Variants in ZNF618 observed in about 807,000 individuals in gnomAD.
ZNF618 encodes the protein neural precursor cell expressed, developmentally down-regulated 10.
A neutral mutation model predicts 103.0 loss-of-function variants in ZNF618; 34 were observed. The ratio of observed to expected loss-of-function variants is 0.33; its 90% CI spans 0.25 to 0.44. The LOEUF is 0.44. ZNF618 is among the 20% of genes least tolerant of loss of function. The probability of loss-of-function intolerance (pLI) is 1.00; values close to 1 mark genes in which losing one functional copy is unlikely to be tolerated. For synonymous variants in ZNF618, 551 were observed against 542.2 expected (o/e 1.02, Z -0.23); for missense variants, 1,059 against 1,295.4 (o/e 0.82, Z 2.80).
At chr9:113,964,388 C>T (rs189023540) in intron 1 of ZNF618, among the ~76,000 whole-genome samples, 2 of 152,246 alleles carry the variant, frequency 1.3e-5, no homozygotes, top group Non-Finnish European at 2.9e-5. Context: ...TTCTTTCCGC[C>T]GCTGAACAGC....
At chr9:114,015,903 A>G (rs1842604357) in intron 9 of ZNF618, among the ~76,000 whole-genome samples, 1 of 152,184 alleles carries the variant, frequency 6.6e-6, no homozygotes, top group Admixed American at 6.5e-5. Context: ...ATTGATCAGG[A>G]CTGGCTAATT....
At chr9:113,979,637 G>A (rs1372467223) in intron 2 of ZNF618, among the ~76,000 whole-genome samples, 1 of 152,204 alleles carries the variant, frequency 6.6e-6, no homozygotes, top group Non-Finnish European at 1.5e-5. Flanking sequence ...GAGGCTACAG[G>A]TGCCTCCAGT....
chr9:113,960,062 C>T (rs975397794), intron 1 of ZNF618, among the ~76,000 whole-genome samples: 3 of 152,362 alleles, frequency 2.0e-5, no homozygotes, highest in South Asian at 2.1e-4. Context: ...ACAGCTGCTG[C>T]AGTTTATTTA....
chr9:113,949,138 G>C (rs1440389849), intron 1 of ZNF618, among the ~76,000 whole-genome samples: 7 of 152,256 alleles, frequency 4.6e-5, no homozygotes. Flanking sequence ...TGGGATGGCT[G>C]TAATTGCCCG....
intron 13 of ZNF618, among the ~76,000 whole-genome samples, chr9:114,038,073 G>A (rs948922077): frequency 1.3e-5 from 2 of 152,208 alleles, no homozygotes; most frequent in African/African-American, 2.4e-5. Flanking sequence ...AGCTCAAGGT[G>A]TTTAGACCCC....
At chr9:114,025,540 GCTTTC>G (rs1843418895) in intron 10 of ZNF618, among the ~76,000 whole-genome samples, 1 of 152,178 alleles carries the variant, frequency 6.6e-6, no homozygotes, top group Non-Finnish European at 1.5e-5. Context: ...ACTCTTTCAT[GCTTTC>G]TCAGGAAGAG....
intron 1 of ZNF618, among the ~76,000 whole-genome samples, chr9:113,897,924 C>G (rs1830183086): frequency 6.6e-6 from 1 of 152,154 alleles, no homozygotes. Flanking sequence ...TCCCGAGTAG[C>G]TGGGATTACA....
chr9:114,032,837 T>C, intron 12 of ZNF618, 109 bp downstream of exon 12: 1 of 941,678 alleles, frequency 1.1e-6, no homozygotes, highest in Non-Finnish European at 1.7e-6. Context: ...TGGTGCATTA[T>C]GGATCTTGTT....
intron 1 of ZNF618, among the ~76,000 whole-genome samples, chr9:113,953,305 A>G (rs1835942631): frequency 6.6e-6 from 1 of 152,220 alleles, no homozygotes; most frequent in African/African-American, 2.4e-5. Flanking sequence ...GTCTTCTTCA[A>G]TCAGGAGTAG....
At chr9:113,976,676 A>G (rs1226973104) in intron 2 of ZNF618, among the ~76,000 whole-genome samples, 1 of 151,918 alleles carries the variant, frequency 6.6e-6, no homozygotes, top group African/African-American at 2.4e-5. Context: ...ATGGAGGGTG[A>G]CCTTGTCCCC....
intron 3 of ZNF618, 54 bp downstream of exon 3, chr9:113,988,634 C>T: frequency 6.5e-7 from 1 of 1,545,230 alleles, no homozygotes; most frequent in Non-Finnish European, 8.7e-7. Context: ...AACATGGAGT[C>T]AGAGTCCTGG....
At position 114,036,317 on chromosome 9, in the gene ZNF618, G is replaced by A. The variant is rs770788213; in HGVS notation, c.1186G>A (p.Ala396Thr). The A allele has an allele frequency of 3.8e-6, 6 of 1,578,830 alleles. No homozygotes were observed. Among genetic ancestry groups the A allele is most frequent in the African/African-American group, 1.3e-5 (1 of 74,214 alleles). ...QNSSEPYTCG[A>T]CGIQFQFYNN... The stretch of plus-strand genomic sequence containing the variant: ...CCCTCCAGAACCCTACACCTGCGGC[G>A]CCTGTGGGATCCAGTTCCAGTTCTA... Residue 396 changes from alanine to threonine, a missense_variant, in exon 13 of 15, where the codon GCC (alanine) becomes ACC (threonine). This residue lies in a region of ZNF618 where 434 missense variants were observed against 476.0 expected (regional missense o/e 0.91). Coordinates refer to ENST00000374126, the MANE Select transcript of ZNF618 (RefSeq NM_001318042.2).
chr9:113,921,618 T>C (rs2131644098), intron 1 of ZNF618, among the ~76,000 whole-genome samples: 1 of 152,300 alleles, frequency 6.6e-6, no homozygotes, highest in African/African-American at 2.4e-5. Context: ...GCTGGGAATG[T>C]GCTGTGGTCT....
chr9:114,014,211 T>A (rs925095329), intron 9 of ZNF618, among the ~76,000 whole-genome samples: 1 of 152,194 alleles, frequency 6.6e-6, no homozygotes, highest in African/African-American at 2.4e-5. Flanking sequence ...AAATCAATTA[T>A]AGCAATAAAA....
intron 2 of ZNF618, among the ~76,000 whole-genome samples, chr9:113,969,453 G>A (rs1161011596): frequency 6.6e-6 from 1 of 152,240 alleles, no homozygotes; most frequent in African/African-American, 2.4e-5. Flanking sequence ...GACCTGGGCT[G>A]GAATTCCATC....
intron 3 of ZNF618, among the ~76,000 whole-genome samples, chr9:113,991,783 C>T (rs1840087389): frequency 6.6e-6 from 1 of 152,188 alleles, no homozygotes; most frequent in Non-Finnish European, 1.5e-5. Flanking sequence ...AGTACTGCTT[C>T]CCTCCAATTC....
At chr9:114,002,786 T>G (rs900273446) in intron 6 of ZNF618, 124 bp downstream of exon 6, 13 of 1,064,936 alleles carry the variant, frequency 1.2e-5, no homozygotes, top group Non-Finnish European at 1.7e-5. Flanking sequence ...AGTGCTGGGG[T>G]CCAAGCTTGG....
chr9:114,028,359 TC>T, intron 10 of ZNF618: 1 of 219,038 alleles, frequency 4.6e-6, no homozygotes, highest in Non-Finnish European at 9.1e-6. Context: ...TATTGTAACT[TC>T]CAAGCCAGCC....
At chr9:113,953,847 T>TG (rs11459406) in intron 1 of ZNF618, among the ~76,000 whole-genome samples, 99,495 of 151,872 alleles carry the variant, frequency 0.66, 32,747 homozygotes, top group Admixed American at 0.71. Context: ...GAAAGATGGA[T>TG]GTCCAGCTGT....
Sources: allele counts gnomAD v4.1 joint callset (sites outside exome capture counted in the v4.1 genomes callset), GRCh38; gene constraint gnomAD v4.1.1; regional missense constraint gnomAD v4.1.1; transcripts MANE v1.5; gene names NCBI Gene and HGNC (gene_info 2026-07-23, HGNC 2026-07-21).